The following TPD52L1 variants were observed in gnomAD, a reference collection of about 807,000 sequenced individuals.
TPD52L1 encodes the protein TPD52 like 1.
Under a neutral mutation model 28.7 loss-of-function variants are expected in TPD52L1, and 18 were observed. That is an observed-to-expected ratio of 0.63 (90% CI 0.43 to 0.93). The LOEUF is 0.93. Ranked by LOEUF, TPD52L1 falls within the 40% of genes least tolerant of loss-of-function variation. TPD52L1 has a pLI of 0.00. For synonymous variants in TPD52L1, 75 were observed against 88.8 expected (o/e 0.84, Z 0.88); for missense variants, 203 against 254.8 (o/e 0.80, Z 1.39).
intron 3 of TPD52L1, among the ~76,000 whole-genome samples, chr6:125,229,564 G>T (rs908345008): frequency 6.6e-6 from 1 of 152,028 alleles, no homozygotes; most frequent in African/African-American, 2.4e-5. Flanking sequence ...TTTAACATTT[G>T]TCAAATATAC....
chr6:125,240,192 T>C (rs575395305), intron 3 of TPD52L1, among the ~76,000 whole-genome samples: 1 of 152,364 alleles, frequency 6.6e-6, no homozygotes, highest in South Asian at 2.1e-4. Context: ...CGTGCCTATT[T>C]TTATACCAGT....
At chr6:125,257,196 G>T in intron 6 of TPD52L1, 38 bp downstream of exon 6, 1 of 1,568,832 alleles carries the variant, frequency 6.4e-7, no homozygotes, top group South Asian at 1.1e-5. Flanking sequence ...TGGGTCCATT[G>T]ACTCAGGACA....
chr6:125,154,549 G>T, intron 1 of TPD52L1: 1 of 881,296 alleles, frequency 1.1e-6, no homozygotes, highest in Non-Finnish European at 1.3e-6. Context: ...CCCGGTTTCC[G>T]CGATCGGGGA....
At chr6:125,182,281 C>T (rs891700156) in intron 1 of TPD52L1, among the ~76,000 whole-genome samples, 2 of 152,200 alleles carry the variant, frequency 1.3e-5, no homozygotes, top group African/African-American at 4.8e-5. Flanking sequence ...CCAGGGAAAG[C>T]ATGCAAACAC....
At chr6:125,243,227 G>T (rs1257740529) in intron 3 of TPD52L1, among the ~76,000 whole-genome samples, 1 of 152,030 alleles carries the variant, frequency 6.6e-6, no homozygotes, top group African/African-American at 2.4e-5. Context: ...TTTCCTCATT[G>T]CTCTTAAGAT....
chr6:125,240,999 C>T (rs1415989588), intron 3 of TPD52L1, among the ~76,000 whole-genome samples: 1 of 152,000 alleles, frequency 6.6e-6, no homozygotes, highest in Non-Finnish European at 1.5e-5. Context: ...AAATATGTCC[C>T]TTCTATGCTG....
intron 1 of TPD52L1, among the ~76,000 whole-genome samples, chr6:125,218,753 A>G (rs1045390402): frequency 7.9e-5 from 12 of 152,218 alleles, no homozygotes; most frequent in African/African-American, 2.9e-4. Flanking sequence ...TTTTTTCTAT[A>G]GAGATAACTG....
Position 125,153,950 on chromosome 6 carries a change from C to A in TPD52L1, c.-2C>A. ...GCCGCCCTCAGCTCGAAGTCAGCCA[C>A]CATGGAGGCGCAGGCACAAGGTGAG... On this transcript the variant is annotated 5_prime_UTR_variant, in exon 1 of 7. Transcript: ENST00000534000. 1 of 1,607,434 alleles carries A rather than the reference C, an allele frequency of 6.2e-7. No individual in the cohort carries two copies. The highest frequency in any genetic ancestry group is 8.5e-7 in the Non-Finnish European group (1 of 1,178,536).
At chr6:125,178,984 C>T (rs571509058) in intron 1 of TPD52L1, among the ~76,000 whole-genome samples, 38 of 152,270 alleles carry the variant, frequency 2.5e-4, no homozygotes, top group South Asian at 1.2e-3. Context: ...TGTAGCCCTA[C>T]ATTATTTGAT....
intron 6 of TPD52L1, chr6:125,260,990 G>T (rs1168342616): frequency 2.3e-5 from 1 of 43,822 alleles, no homozygotes; most frequent in East Asian, 7.2e-4. Flanking sequence ...AGAAAAGAAA[G>T]AAAGAAAGAA....
At chr6:125,259,047 A>G (rs1797765205) in intron 6 of TPD52L1, among the ~76,000 whole-genome samples, 1 of 151,976 alleles carries the variant, frequency 6.6e-6, no homozygotes, top group Admixed American at 6.6e-5. Flanking sequence ...CCTTTTTTAT[A>G]TAGCTTATTT....
chr6:125,242,209 A>G (rs1470435385), intron 3 of TPD52L1, among the ~76,000 whole-genome samples: 1 of 152,076 alleles, frequency 6.6e-6, no homozygotes, highest in South Asian at 2.1e-4. Flanking sequence ...TTTGTGGCCT[A>G]TCATATGGTC....
At chr6:125,155,330 C>G (rs1562171237) in intron 1 of TPD52L1, among the ~76,000 whole-genome samples, 1 of 152,222 alleles carries the variant, frequency 6.6e-6, no homozygotes, top group Admixed American at 6.5e-5. Context: ...TTGGCCAACC[C>G]CATCCCAGTC....
chr6:125,251,899 G>A (rs1797291215), intron 4 of TPD52L1: 2 of 915,364 alleles, frequency 2.2e-6, no homozygotes, highest in South Asian at 3.1e-5. Flanking sequence ...AGTGGTAAAT[G>A]AAGCTACCCT....
chr6:125,178,418 C>T (rs915168358), intron 1 of TPD52L1, among the ~76,000 whole-genome samples: 1 of 151,940 alleles, frequency 6.6e-6, no homozygotes, highest in South Asian at 2.1e-4. Flanking sequence ...GTCAGGAGTT[C>T]AAGACCAACC....
chr6:125,220,359 T>C (rs539929598), intron 2 of TPD52L1, among the ~76,000 whole-genome samples, 166 bp downstream of exon 2: 12 of 152,366 alleles, frequency 7.9e-5, no homozygotes, highest in Admixed American at 6.5e-4. Flanking sequence ...TCCAGGGTAT[T>C]TTTCTACTGT....
At chr6:125,238,951 GTC>G (rs2115012291) in intron 3 of TPD52L1, among the ~76,000 whole-genome samples, 1 of 152,316 alleles carries the variant, frequency 6.6e-6, no homozygotes, top group South Asian at 2.1e-4. Flanking sequence ...ATGTGTAAGT[GTC>G]TTTTTCATAT....
intron 1 of TPD52L1, among the ~76,000 whole-genome samples, chr6:125,190,334 AGTACTGAAGTTG>A (rs1332939435): frequency 8.5e-5 from 13 of 152,178 alleles, no homozygotes; most frequent in African/African-American, 2.9e-4. Context: ...TTCTGAAAAC[AGTACTGAAGTTG>A]GTAGCTTGTG....
intron 3 of TPD52L1, among the ~76,000 whole-genome samples, chr6:125,239,840 G>A (rs951443050): frequency 6.6e-6 from 1 of 151,960 alleles, no homozygotes; most frequent in African/African-American, 2.4e-5. Flanking sequence ...GTTTAATTAG[G>A]TCCCATATAT....
Sources: gnomAD v4.1 joint callset for allele counts (sites outside exome capture counted in the v4.1 genomes callset) on GRCh38, gnomAD v4.1.1 for gene constraint, MANE v1.5 for transcripts, NCBI Gene and HGNC (gene_info 2026-07-23, HGNC 2026-07-21) for gene names.